Variants in TBRG4 observed in about 807,000 individuals in gnomAD.
TBRG4 encodes the protein transforming growth factor beta regulator 4.
In TBRG4, 43 loss-of-function variants were observed where a neutral mutation model predicts 65.6. That is an observed-to-expected ratio of 0.66 (90% CI 0.51 to 0.85). TBRG4 has a LOEUF of 0.85. Ranked by LOEUF, TBRG4 falls within the 40% of genes least tolerant of loss-of-function variation. The probability of loss-of-function intolerance (pLI) is 0.00; values close to 1 mark genes in which losing one functional copy is unlikely to be tolerated. For missense variants in TBRG4, 709 were observed against 787.9 expected (o/e 0.90, Z 1.20); for synonymous variants, 366 against 341.4 (o/e 1.07, Z -0.79).
chr7:45,111,195 C>T lies in TBRG4; in HGVS notation c.-51+448G>A, dbSNP rs184485017. Reference sequence around the variant, plus strand: ...TTCACCATGACCTCAAGTGATCCACCCGTCTCGGCCTCCCAAAGTGCTGGG... The same window carrying T: ...TTCACCATGACCTCAAGTGATCCACTCGTCTCGGCCTCCCAAAGTGCTGGG... On this transcript the variant is annotated intron_variant, in intron 1 of 10. Transcript: ENST00000258770. 7.2e-4 allele frequency among the ~76,000 whole-genome samples: 109 copies of T among 152,274 alleles called. No individual in the cohort carries two copies. The Middle Eastern group carries it at 0.01, about 14-fold the overall frequency.
chr7:45,102,509 G>A lies in TBRG4; in HGVS notation c.1177-18C>T. On this transcript the variant is annotated intron_variant, in intron 6 of 10. Coordinates refer to ENST00000258770, the MANE Select transcript of TBRG4 (RefSeq NM_004749.4). ...TCATGTACCTGGGCAAGGATAGAGT[G>A]TGGTGGAGAAAGCAGGCTCTCCTTA... 6.2e-7 allele frequency: 1 copy of A among 1,604,160 alleles called. No individual in the cohort carries two copies. Among genetic ancestry groups the A allele is most frequent in the Non-Finnish European group, 8.5e-7 (1 of 1,178,970 alleles).
chr7:45,104,961 T>C, intron 3 of TBRG4: 1 of 764,744 alleles, frequency 1.3e-6, no homozygotes. Flanking sequence ...CCAGGGCCCA[T>C]GAGCTGTGGA....
chr7:45,102,339 G>A lies in TBRG4; in HGVS notation c.1321+8C>T, dbSNP rs990853384. Reference sequence around the variant, plus strand: ...CAGTTCCAGTAGTACTAGGGGCAGGGGGCTCACCTAGAAATTGGATGTGAA... The same window carrying A: ...CAGTTCCAGTAGTACTAGGGGCAGGAGGCTCACCTAGAAATTGGATGTGAA... On this transcript the variant is annotated splice_region_variant and intron_variant, in intron 7 of 10. Transcript: ENST00000258770. 4 of 1,613,964 alleles carry A rather than the reference G, an allele frequency of 2.5e-6. No individual in the cohort carries two copies. The Admixed American group carries it at 6.7e-5, about 27-fold the overall frequency.
chr7:45,102,544 A>C, intron 6 of TBRG4, 53 bp from the exon 7 acceptor site: 1 of 1,584,850 alleles, frequency 6.3e-7, no homozygotes, highest in East Asian at 2.2e-5. Flanking sequence ...AGGGGCTGCA[A>C]ATAGCCATGG....
intron 1 of TBRG4, chr7:45,111,321 G>A (rs1255292462): frequency 6.0e-6 from 1 of 167,244 alleles, no homozygotes; most frequent in Non-Finnish European, 1.3e-5. Context: ...CCAGACTTGA[G>A]TTTAGGCAAA....
intron 6 of TBRG4, 82 bp downstream of exon 6, chr7:45,103,250 GA>G (rs1290872707): frequency 1.5e-5 from 17 of 1,154,680 alleles, no homozygotes; most frequent in Admixed American, 1.0e-4. Flanking sequence ...CACCTAGCCC[GA>G]GCTGATCTTG....
chr7:45,101,508 A>C lies in TBRG4; in HGVS notation c.1674T>G (p.Ser558=). The change falls in exon 9 of 11, where the codon TCT becomes TCG. Residue 558 remains serine, a synonymous_variant. Coordinates refer to ENST00000258770, the MANE Select transcript of TBRG4 (RefSeq NM_004749.4). ...ACAGGTCCCTGGCCACCTACCTCTT[A>C]GACCCTGGAGGTGGTGACTGGCTCC... The part of the protein sequence containing the change: ...PTGSQSPPPG[S]KRLAFLRWEF... The C allele has an allele frequency of 1.9e-6, 3 of 1,613,264 alleles. No homozygotes were observed. The highest frequency in any genetic ancestry group is 2.5e-6 in the Non-Finnish European group (3 of 1,179,664).
chr7:45,102,964 C>G, intron 6 of TBRG4: 1 of 341,948 alleles, frequency 2.9e-6, no homozygotes, highest in Non-Finnish European at 5.6e-6. Context: ...TGGGATCACA[C>G]CTGGCCTGCT....
At position 45,109,075 on chromosome 7, in the gene TBRG4, T is replaced by C. The variant is rs1785043748; in HGVS notation, c.163A>G (p.Met55Val). 5.0e-6 allele frequency: 8 copies of C among 1,613,972 alleles called. No individual in the cohort carries two copies. Among genetic ancestry groups the C allele is most frequent in the African/African-American group, 1.3e-5 (1 of 74,924 alleles). ...SPISHLPGSL[M>V]EPVEKERAST... Reference sequence around the variant, plus strand: ...GCTCGTTCCTTCTCCACCGGCTCCATCAAGGAACCTGGGAGGTGGGAAATG... The same window carrying C: ...GCTCGTTCCTTCTCCACCGGCTCCACCAAGGAACCTGGGAGGTGGGAAATG... Residue 55 changes from methionine (M) to valine (V), a missense_variant, in exon 2 of 11, where the codon ATG (methionine) becomes GTG (valine). Transcript: ENST00000258770.
At position 45,104,086 on chromosome 7, in the gene TBRG4, GGCCCT is replaced by G; in HGVS notation, c.1065+8_1065+12del. On this transcript the variant is annotated splice_region_variant and intron_variant, in intron 5 of 10. Transcript: ENST00000258770. ...AGCCAGCTTCTCTGAGTTGGGGCCA[GGCCCT>G]GGCTCACCTGGGCAAAGGCCTCAAA... is the stretch of plus-strand genomic sequence containing the variant. 1 of 1,587,676 alleles carries G rather than the reference GGCCCT, an allele frequency of 6.3e-7. No homozygotes were observed. The highest frequency in any genetic ancestry group is 8.6e-7 in the Non-Finnish European group (1 of 1,167,022).
Position 45,101,960 on chromosome 7 carries a change from C to A in TBRG4, c.1432G>T (p.Val478Leu), listed in dbSNP as rs779483138. ...TCAAGGGCTGAGGGCCCAGGGGCCA[C>A]AGCCGAGGCAGGCAGAAGGGGACCC... is the stretch of plus-strand genomic sequence containing the variant. ...YSGPLLPASA[V>L]APGPSALDRK... The change falls in exon 8 of 11, where the codon GTG becomes TTG. Residue 478 changes from valine (V) to leucine (L), a missense_variant. By Grantham distance (32) the Val-to-Leu change is conservative. Coordinates refer to ENST00000258770, the MANE Select transcript of TBRG4 (RefSeq NM_004749.4). The A allele has an allele frequency of 6.3e-7, 1 of 1,592,988 alleles. No homozygotes were observed.
Position 45,102,446 on chromosome 7 carries a change from G to A in TBRG4, c.1222C>T (p.Leu408=). ...GSELPGLEPA[L]QVDLVWALCV... ...AGGGCCCACACCAGGTCCACCTGCAGGGCTGGCTCCAGGCCTGGCAGCTCT... is the reference window on the plus strand; with the variant it reads ...AGGGCCCACACCAGGTCCACCTGCAAGGCTGGCTCCAGGCCTGGCAGCTCT... The change falls in exon 7 of 11, where the codon CTG becomes TTG. Residue 408 remains leucine (L), a synonymous_variant. Coordinates refer to ENST00000258770, the MANE Select transcript of TBRG4 (RefSeq NM_004749.4). 1 of 1,613,424 alleles carries A rather than the reference G, an allele frequency of 6.2e-7. No individual in the cohort carries two copies. The highest frequency in any genetic ancestry group is 8.5e-7 in the Non-Finnish European group (1 of 1,180,004).
In TBRG4 at chr7:45,108,950, G is replaced by A; in HGVS notation, c.288C>T (p.Asp96=). 6.2e-7 allele frequency: 1 copy of A among 1,612,590 alleles called. No homozygotes were observed. Among genetic ancestry groups the A allele is most frequent in the Non-Finnish European group, 8.5e-7 (1 of 1,179,342 alleles). The part of the protein sequence containing the change: ...LELLGGSHDL[D]SNQAAMVLIR... ...TAAGTACCATTGCTGCTTGATTGCT[G>A]TCCAAGTCGTGACTGCCACCAAGTA... The change falls in exon 2 of 11, where the codon GAC becomes GAT. Residue 96 remains aspartate (D), a synonymous_variant. Transcript: ENST00000258770.
In TBRG4 at chr7:45,105,573, C is replaced by G; in HGVS notation, c.603G>C (p.Gln201His). Residue 201 changes from glutamine (Q) to histidine (H), a missense_variant, in exon 3 of 11, where the codon CAG (glutamine) becomes CAC (histidine). Coordinates refer to ENST00000258770, the MANE Select transcript of TBRG4 (RefSeq NM_004749.4). ...CATLSQEQHS[Q>H]ELLAELLTHL... ...GTGTGAGCAGCTCAGCCAGCAGCTC[C>G]TGCGAGTGCTGCTCCTGTGAGAGGG... The G allele has an allele frequency of 6.2e-7, 1 of 1,614,172 alleles. No individual in the cohort carries two copies. Among genetic ancestry groups the G allele is most frequent in the Non-Finnish European group, 8.5e-7 (1 of 1,180,040 alleles).
chr7:45,101,454 G>GC, intron 9 of TBRG4, 49 bp downstream of exon 9: 1 of 1,601,962 alleles, frequency 6.2e-7, no homozygotes, highest in Non-Finnish European at 8.5e-7. Flanking sequence ...AGAATATGCA[G>GC]TCCAACAGCC....
intron 1 of TBRG4, 81 bp downstream of exon 1, chr7:45,111,562 C>G: frequency 1.6e-6 from 2 of 1,283,046 alleles, no homozygotes; most frequent in South Asian, 1.2e-5. Flanking sequence ...CACCGCATCC[C>G]AGGACCTTCC....
Position 45,106,276 on chromosome 7 carries a change from C to A in TBRG4, c.412-512G>T, listed in dbSNP as rs1317204334. 3 of 319,602 alleles carry A rather than the reference C, an allele frequency of 9.4e-6. No individual in the cohort carries two copies. In the East Asian group the frequency reaches 2.3e-4, roughly 25 times the overall value. The allele number at this position is 319,602 out of a possible 1,614,324, so 19.8% of individuals were successfully genotyped here. A position where few individuals can be genotyped will look rare whatever the true frequency, so the allele number is the denominator to read the frequency against. The stretch of plus-strand genomic sequence containing the variant: ...GGCAAGGGAAATTCTCCAAGTTTCC[C>A]CAATGAAGTTTTGACCTAATGTAGT... On this transcript the variant is annotated intron_variant, in intron 2 of 10. Transcript: ENST00000258770.
intron 2 of TBRG4, among the ~76,000 whole-genome samples, chr7:45,108,133 T>C (rs1185306063): frequency 6.6e-6 from 1 of 152,234 alleles, no homozygotes; most frequent in African/African-American, 2.4e-5. Context: ...TTTCTCTTCA[T>C]TACACCTGAC....
intron 8 of TBRG4, 28 bp downstream of exon 8, chr7:45,101,797 C>G (rs1424687712): frequency 1.1e-5 from 17 of 1,601,430 alleles, no homozygotes; most frequent in Non-Finnish European, 1.4e-5. Context: ...CAATGCCAGG[C>G]CCTGTGCCAA....
Sources: gnomAD v4.1 joint callset for allele counts (sites outside exome capture counted in the v4.1 genomes callset) on GRCh38, gnomAD v4.1.1 for gene constraint, MANE v1.5 for transcripts, NCBI Gene and HGNC (gene_info 2026-07-23, HGNC 2026-07-21) for gene names.